Variants in PRUNE2 observed in about 807,000 individuals in gnomAD.
PRUNE2 encodes prune homolog 2 with BCH domain.
A neutral mutation model predicts 252.0 loss-of-function variants in PRUNE2; 164 were observed. The ratio of observed to expected loss-of-function variants is 0.65; its 90% CI spans 0.57 to 0.74. The LOEUF (loss-of-function observed/expected upper bound fraction) is 0.74, where lower values mean the gene tolerates loss of function less well. PRUNE2 is among the 30% of genes least tolerant of loss of function. PRUNE2 has a pLI of 0.00. For missense variants in PRUNE2, 3,495 were observed against 3,711.0 expected (o/e 0.94, Z 1.51); for synonymous variants, 1,292 against 1,350.2 (o/e 0.96, Z 0.94).
chr9:76,867,372 C>T (rs555138785), intron 1 of PRUNE2, among the ~76,000 whole-genome samples: 1 of 152,068 alleles, frequency 6.6e-6, no homozygotes, highest in Non-Finnish European at 1.5e-5. Context: ...TCACACACCA[C>T]GCTGACATGA....
At chr9:76,642,097 C>T (rs1302977207) in intron 12 of PRUNE2, 16 of 801,350 alleles carry the variant, frequency 2.0e-5, no homozygotes, top group Middle Eastern at 3.2e-4. Context: ...TTTCTCAGCT[C>T]CAAGTTCAAA....
intron 6 of PRUNE2, among the ~76,000 whole-genome samples, chr9:76,771,786 G>T (rs1170447709): frequency 6.6e-6 from 1 of 152,186 alleles, no homozygotes; most frequent in Non-Finnish European, 1.5e-5. Flanking sequence ...TTATTTCCCA[G>T]AGGGAGAGGC....
At chr9:76,848,130 G>A (rs937058087) in intron 3 of PRUNE2, among the ~76,000 whole-genome samples, 1 of 152,164 alleles carries the variant, frequency 6.6e-6, no homozygotes, top group Non-Finnish European at 1.5e-5. Context: ...TGGGTGTGGT[G>A]GCAGATGCCT....
At position 76,705,722 on chromosome 9, in the gene PRUNE2, G is replaced by A; in HGVS notation, c.6552C>T (p.Ala2184=). The change falls in exon 8 of 19, where the codon GCC becomes GCT. Residue 2184 remains alanine (A), a synonymous_variant. Transcript: ENST00000376718. The stretch of plus-strand genomic sequence containing the variant: ...AAGGTTCAGGTGAACCTTTATGAGA[G>A]GCGGGCTGAGAGGAGCCCTTTATGT... ...QADIKGSSQP[A]SHKGSPEPSE... 6.2e-7 allele frequency: 1 copy of A among 1,614,034 alleles called. No individual in the cohort carries two copies. The highest frequency in any genetic ancestry group is 8.5e-7 in the Non-Finnish European group (1 of 1,179,890).
Position 76,877,705 on chromosome 9 carries a change from C to T in PRUNE2, c.37-23497G>A, listed in dbSNP as rs182070173. The stretch of plus-strand genomic sequence containing the variant: ...ACATTAGAGTACAGTAATCAAGCAT[C>T]GGTGAATGAATAATCTGCCATTTGA... On this transcript the variant is annotated intron_variant, in intron 1 of 18. Coordinates refer to ENST00000376718, the MANE Select transcript of PRUNE2 (RefSeq NM_015225.3). Among the ~76,000 whole-genome samples, 14 of 152,216 alleles carry T rather than the reference C, an allele frequency of 9.2e-5. No individual in the cohort carries two copies. The Middle Eastern group carries it at 0.01, about 111-fold the overall frequency.
chr9:76,703,855 C>T lies in PRUNE2; in HGVS notation c.7758G>A (p.Leu2586=), dbSNP rs551462975. 4.2e-5 allele frequency: 68 copies of T among 1,613,984 alleles called. 1 individual carries two copies. The South Asian group carries it at 7.1e-4, about 17-fold the overall frequency. The part of the protein sequence containing the change: ...ELYVGSKETG[L]QGTQLASFPD... ...GGAAGCTTGCTAACTGAGTTCCCTGCAGCCCTGTTTCTTTGGAACCTACAT... is the reference window on the plus strand; with the variant it reads ...GGAAGCTTGCTAACTGAGTTCCCTGTAGCCCTGTTTCTTTGGAACCTACAT... The change falls in exon 9 of 19, where the codon CTG becomes CTA. Residue 2586 remains leucine (L), a synonymous_variant. Transcript: ENST00000376718.
intron 6 of PRUNE2, among the ~76,000 whole-genome samples, chr9:76,767,463 G>A (rs1171753917): frequency 1.4e-5 from 2 of 140,446 alleles, no homozygotes; most frequent in African/African-American, 5.7e-5. Context: ...AAAAAAAAAA[G>A]AAAGAAAGAA....
At chr9:76,815,504 T>C (rs182437058) in intron 6 of PRUNE2, among the ~76,000 whole-genome samples, 9 of 152,294 alleles carry the variant, frequency 5.9e-5, no homozygotes, top group Admixed American at 4.6e-4. Flanking sequence ...CAAGCCGTTT[T>C]ATAAAGGCAC....
rs776362379 is a variant in PRUNE2 at position 76,708,892 on chromosome 9, T to C, written c.3382A>G (p.Thr1128Ala). 1.1e-5 allele frequency: 18 copies of C among 1,613,856 alleles called. No homozygotes were observed. The highest frequency in any genetic ancestry group is 1.1e-4 in the African/African-American group (8 of 74,908). The stretch of plus-strand genomic sequence containing the variant: ...AAATCATTGTCCATATCTGAGATCG[T>C]TGCAGTGGACTGAGTATCCTCCAAA... Reference protein sequence around the residue: ...VILEDTQSTATISDMDNDLDW... With the variant: ...VILEDTQSTAAISDMDNDLDW... Residue 1128 changes from threonine (T) to alanine (A), a missense_variant, in exon 8 of 19, where the codon ACG (threonine) becomes GCG (alanine). By Grantham distance (58) the Thr-to-Ala change is moderately conservative. Transcript: ENST00000376718.
intron 6 of PRUNE2, among the ~76,000 whole-genome samples, chr9:76,766,348 G>C (rs969093180): frequency 6.6e-6 from 1 of 152,026 alleles, no homozygotes; most frequent in African/African-American, 2.4e-5. Context: ...GCATTGAGTG[G>C]GTGGCTGTGT....
At position 76,723,948 on chromosome 9, in the gene PRUNE2, C is replaced by A. The variant is rs1284447378; in HGVS notation, c.757-10227G>T. ...TCAGCCTCCCGAGTAGCTGGGACTA[C>A]AGGCGCCTGCTACCACGCTCGGCTA... On this transcript the variant is annotated intron_variant, in intron 6 of 18. Coordinates refer to ENST00000376718, the MANE Select transcript of PRUNE2 (RefSeq NM_015225.3). Among the ~76,000 whole-genome samples the A allele has an allele frequency of 4.6e-5, 7 of 151,550 alleles. No homozygotes were observed. In the East Asian group the frequency reaches 1.4e-3, roughly 30 times the overall value.
chr9:76,843,982 C>T (rs1423392434), intron 4 of PRUNE2, among the ~76,000 whole-genome samples: 3 of 152,206 alleles, frequency 2.0e-5, no homozygotes, highest in Admixed American at 2.0e-4. Context: ...CCCTCCTCAG[C>T]CTCCCAAAGT....
intron 9 of PRUNE2, among the ~76,000 whole-genome samples, chr9:76,678,822 C>T (rs982063172): frequency 8.5e-5 from 13 of 152,078 alleles, no homozygotes; most frequent in South Asian, 2.1e-4. Flanking sequence ...AGTGAGACTC[C>T]GTCTCAAAAA....
In PRUNE2 at chr9:76,791,732, A is replaced by G. The variant is rs115201187; in HGVS notation, c.756+31900T>C. Among the ~76,000 whole-genome samples the G allele has an allele frequency of 2.6e-3, 400 of 152,316 alleles. 2 individuals are homozygous for G. Among genetic ancestry groups the G allele is most frequent in the African/African-American group, 9.4e-3 (390 of 41,570 alleles). ...CACTGATCATGGCTGAGGTGATACAACTGCATAGCAGAGAAAGGACTCAAG... is the reference window on the plus strand; with the variant it reads ...CACTGATCATGGCTGAGGTGATACAGCTGCATAGCAGAGAAAGGACTCAAG... On this transcript the variant is annotated intron_variant, in intron 6 of 18. Transcript: ENST00000376718.
chr9:76,700,054 G>A (rs528400497), intron 9 of PRUNE2: 1 of 152,354 alleles, frequency 6.6e-6, no homozygotes, highest in South Asian at 2.1e-4. Flanking sequence ...CATGAATGCA[G>A]TGCTGCAAAT....
At chr9:76,790,000 G>A (rs1287205118) in intron 6 of PRUNE2, among the ~76,000 whole-genome samples, 1 of 152,084 alleles carries the variant, frequency 6.6e-6, no homozygotes, top group African/African-American at 2.4e-5. Flanking sequence ...AGTAGGGGTG[G>A]GGCCACTTCT....
intron 6 of PRUNE2, among the ~76,000 whole-genome samples, chr9:76,806,532 G>C (rs1416264746): frequency 6.8e-6 from 1 of 147,742 alleles, no homozygotes; most frequent in Non-Finnish European, 1.5e-5. Context: ...TTTTGAGACG[G>C]AGTTTCGCCC....
intron 9 of PRUNE2, among the ~76,000 whole-genome samples, chr9:76,698,630 C>T (rs80341094): frequency 0.011 from 1,728 of 152,274 alleles, 29 homozygotes; most frequent in East Asian, 0.083. Flanking sequence ...AAAGAGTCAA[C>T]TGATTTTTAA....
intron 9 of PRUNE2, among the ~76,000 whole-genome samples, chr9:76,693,722 G>A (rs1040657841): frequency 2.0e-5 from 3 of 152,158 alleles, no homozygotes; most frequent in African/African-American, 4.8e-5. Flanking sequence ...GATTACAGGC[G>A]TGAGCCACTG....
Sources: gnomAD v4.1 joint callset for allele counts (sites outside exome capture counted in the v4.1 genomes callset) on GRCh38, gnomAD v4.1.1 for gene constraint, MANE v1.5 for transcripts, NCBI Gene and HGNC (gene_info 2026-07-23, HGNC 2026-07-21) for gene names.